DOP1B: variants seen among roughly 807,000 people sequenced by gnomAD.
The protein encoded by DOP1B is DOP1 leucine zipper like protein B.
DOP1B carries 174 observed loss-of-function variants against 233.5 expected under a neutral mutation model. That is an observed-to-expected ratio of 0.75 (90% confidence interval 0.66 to 0.85). DOP1B has a LOEUF of 0.85. Among genes scored for constraint, DOP1B ranks in the 40% least tolerant of loss-of-function variants. The probability of loss-of-function intolerance (pLI) is 0.00; values close to 1 mark genes in which losing one functional copy is unlikely to be tolerated. For synonymous variants in DOP1B, 1,190 were observed against 1,185.6 expected (o/e 1.00, Z -0.08); for missense variants, 2,652 against 2,846.6 (o/e 0.93, Z 1.56).
intron 11 of DOP1B, among the ~76,000 whole-genome samples, chr21:36,224,403 C>T (rs2066658660): frequency 6.6e-6 from 1 of 152,050 alleles, no homozygotes; most frequent in Non-Finnish European, 1.5e-5. Context: ...TGGTCCCAAA[C>T]TCCTGACCTC....
chr21:36,237,173 G>T, intron 15 of DOP1B, 89 bp from the exon 16 acceptor site: 1 of 1,545,236 alleles, frequency 6.5e-7, no homozygotes. Context: ...GATCCAGTAT[G>T]TCGGGGCTGG....
chr21:36,259,135 T>C (rs2067141003), intron 23 of DOP1B, among the ~76,000 whole-genome samples: 1 of 152,012 alleles, frequency 6.6e-6, no homozygotes, highest in African/African-American at 2.4e-5. Flanking sequence ...CCGGCTAATT[T>C]TTTGTATTTT....
chr21:36,242,151 C>CATTATTGTTGTTGTTATTATT (rs60892353), intron 18 of DOP1B, among the ~76,000 whole-genome samples: 246 of 143,978 alleles, frequency 1.7e-3, no homozygotes, highest in East Asian at 4.0e-3. Context: ...GTTCCTTGGG[C>CATTATTGTTGTTGTTATTATT]ATTATTATTA....
intron 4 of DOP1B, among the ~76,000 whole-genome samples, chr21:36,207,205 G>C (rs1374552667): frequency 6.9e-6 from 1 of 145,190 alleles, no homozygotes; most frequent in East Asian, 2.0e-4. Flanking sequence ...TTTTTTTTGA[G>C]ACAGAGTCTC....
intron 32 of DOP1B, among the ~76,000 whole-genome samples, chr21:36,284,427 C>T (rs112418506): frequency 2.0e-4 from 30 of 152,018 alleles, no homozygotes; most frequent in East Asian, 5.8e-4. Context: ...CACAACACCA[C>T]GCCCAGCTAA....
intron 24 of DOP1B, among the ~76,000 whole-genome samples, chr21:36,263,129 G>A (rs2067192248): frequency 6.6e-6 from 1 of 151,514 alleles, no homozygotes; most frequent in Non-Finnish European, 1.5e-5. Flanking sequence ...AGCTATTCGG[G>A]AGGCTGAGGC....
At chr21:36,180,216 A>G (rs2066080463) in intron 2 of DOP1B, among the ~76,000 whole-genome samples, 1 of 152,202 alleles carries the variant, frequency 6.6e-6, no homozygotes, top group African/African-American at 2.4e-5. Context: ...AAGAAGTGAC[A>G]TCTTTACACA....
rs2067519416 is a variant in DOP1B at position 36,288,829 on chromosome 21, T to C, written c.6353+18T>C. ...TCATTGAGGTAAGCAGTACAAGATC[T>C]GTACACAAGAGGAAAAGATAGTCAC... On this transcript the variant is annotated intron_variant, in intron 34 of 36. Transcript: ENST00000691173. 1 of 1,599,778 alleles carries C rather than the reference T, an allele frequency of 6.3e-7. No individual in the cohort carries two copies. The highest frequency in any genetic ancestry group is 1.3e-5 in the African/African-American group (1 of 74,570).
At chr21:36,291,707 AC>A (rs1466976696) in intron 35 of DOP1B, among the ~76,000 whole-genome samples, 1 of 152,246 alleles carries the variant, frequency 6.6e-6, no homozygotes, top group Non-Finnish European at 1.5e-5. Flanking sequence ...CGGTTCAGCA[AC>A]AAAAAGAATT....
At chr21:36,253,652 A>AT in intron 22 of DOP1B, 120 bp from the exon 23 acceptor site, 4 of 1,163,936 alleles carry the variant, frequency 3.4e-6, no homozygotes, top group Non-Finnish European at 4.7e-6. Flanking sequence ...AAAAAAAAAA[A>AT]GAGATGAAAA....
chr21:36,192,748 C>T (rs2066246725), intron 2 of DOP1B, among the ~76,000 whole-genome samples: 1 of 151,036 alleles, frequency 6.6e-6, no homozygotes, highest in South Asian at 2.1e-4. Context: ...AGTGCAGTGG[C>T]ACGATCTCGG....
intron 2 of DOP1B, among the ~76,000 whole-genome samples, chr21:36,197,260 T>C (rs1220856508): frequency 2.0e-5 from 3 of 152,106 alleles, no homozygotes; most frequent in African/African-American, 7.2e-5. Context: ...AGATGTCATT[T>C]TATTGAATTT....
chr21:36,206,595 A>G (rs1297762974), intron 4 of DOP1B, among the ~76,000 whole-genome samples: 1 of 152,088 alleles, frequency 6.6e-6, no homozygotes, highest in African/African-American at 2.4e-5. Flanking sequence ...TATTGAAGAG[A>G]CAACATAGGC....
intron 21 of DOP1B, among the ~76,000 whole-genome samples, chr21:36,249,763 T>C (rs2067011955): frequency 6.6e-6 from 1 of 152,126 alleles, no homozygotes; most frequent in Non-Finnish European, 1.5e-5. Context: ...ACATCTGACA[T>C]CAGTTGAGAG....
intron 2 of DOP1B, among the ~76,000 whole-genome samples, chr21:36,198,761 T>A (rs1274375676): frequency 6.6e-6 from 1 of 152,226 alleles, no homozygotes; most frequent in Non-Finnish European, 1.5e-5. Context: ...ATCCATATCT[T>A]CTGAGTGAGC....
intron 11 of DOP1B, among the ~76,000 whole-genome samples, 177 bp downstream of exon 11, chr21:36,223,527 T>C (rs1456349627): frequency 6.6e-6 from 1 of 152,336 alleles, no homozygotes; most frequent in South Asian, 2.1e-4. Context: ...TCTAGCAGAA[T>C]AAAAACATCT....
At chr21:36,213,646 C>T (rs1601416607) in intron 7 of DOP1B, among the ~76,000 whole-genome samples, 1 of 151,540 alleles carries the variant, frequency 6.6e-6, no homozygotes, top group Non-Finnish European at 1.5e-5. Context: ...ACAAGTGATT[C>T]TTCTGCCTCA....
intron 12 of DOP1B, among the ~76,000 whole-genome samples, 173 bp from the exon 13 acceptor site, chr21:36,227,513 C>A (rs529380679): frequency 6.6e-6 from 1 of 151,506 alleles, no homozygotes; most frequent in Admixed American, 6.6e-5. Flanking sequence ...CGACACTGCA[C>A]TCCAGCCTGG....
intron 2 of DOP1B, chr21:36,169,107 C>A (rs1441016312): frequency 2.3e-6 from 2 of 866,876 alleles, no homozygotes. Context: ...TTCTCCAGAG[C>A]CCATCGTCTG....
Sources: allele counts gnomAD v4.1 joint callset (sites outside exome capture counted in the v4.1 genomes callset), GRCh38; gene constraint gnomAD v4.1.1; transcripts MANE v1.5; gene names NCBI Gene and HGNC (gene_info 2026-07-23, HGNC 2026-07-21).